The following WDR17 variants were observed in gnomAD, a reference collection of about 807,000 sequenced individuals.
WDR17 encodes the protein WD repeat-containing protein 17.
In WDR17, 143 loss-of-function variants were observed where a neutral mutation model predicts 161.7. The ratio of observed to expected loss-of-function variants is 0.88; its 90% CI spans 0.77 to 1.02. WDR17 has a LOEUF of 1.02. WDR17 is among the 50% of genes least tolerant of loss of function. The pLI is 0.00. For synonymous variants in WDR17, 517 were observed against 515.6 expected, an observed-to-expected ratio of 1.00 and a Z score of -0.04; for missense variants, 1,469 against 1,520.9, an observed-to-expected ratio of 0.97 and a Z score of 0.57.
chr4:176,159,430 C>G (rs1239885946), intron 18 of WDR17, among the ~76,000 whole-genome samples: 2 of 152,084 alleles, frequency 1.3e-5, no homozygotes, highest in East Asian at 1.9e-4. Context: ...TTACCATCCC[C>G]TTTCTCCCTT....
At chr4:176,153,766 T>A (rs1166608683) in intron 17 of WDR17, among the ~76,000 whole-genome samples, 5 of 152,212 alleles carry the variant, frequency 3.3e-5, no homozygotes, top group Admixed American at 6.5e-5. Flanking sequence ...TAGCTCACCT[T>A]TTTACTTTCC....
At chr4:176,141,630 A>T (rs145388613) in intron 10 of WDR17, among the ~76,000 whole-genome samples, 1,748 of 152,024 alleles carry the variant, frequency 0.011, 19 homozygotes, top group Non-Finnish European at 0.018. Flanking sequence ...ATGGGGTTTC[A>T]CCATGTTGGC....
intron 10 of WDR17, among the ~76,000 whole-genome samples, chr4:176,141,490 T>C (rs1745247638): frequency 6.6e-6 from 1 of 152,168 alleles, no homozygotes; most frequent in Non-Finnish European, 1.5e-5. Flanking sequence ...AGTGCAGTGG[T>C]GCAATCCCAG....
chr4:176,145,878 T>C (rs1398912528), intron 11 of WDR17, 117 bp from the exon 12 acceptor site: 1 of 899,080 alleles, frequency 1.1e-6, no homozygotes, highest in African/African-American at 1.7e-5. Context: ...GTTTTTAGTC[T>C]AACTTCACTA....
chr4:176,067,169 G>A (rs1037273200), intron 1 of WDR17, among the ~76,000 whole-genome samples: 2 of 152,120 alleles, frequency 1.3e-5, no homozygotes. Context: ...CAAGAAAATG[G>A]ATATAGTTAT....
rs1476472534 is a variant in WDR17, at chr4:176,172,498, G to A, written c.3226G>A (p.Gly1076Ser). Residue 1076 changes from glycine (G) to serine (S), a missense_variant, in exon 24 of 29, where the codon GGT (glycine) becomes AGT (serine). By Grantham distance (56) the Gly-to-Ser change is moderately conservative. Coordinates refer to ENST00000508596, the MANE Select transcript of WDR17 (RefSeq NM_181265.4). ...AGAACCTGAAAAAGCCCTTCCTATT[G>A]GTATTAGCTTTGTTAAAGGTAAGTA... ...SQEPEKALPI[G>S]ISFVKEYISS... 1 of 1,593,098 alleles carries A rather than the reference G, an allele frequency of 6.3e-7. No homozygotes were observed. Among genetic ancestry groups the A allele is most frequent in the East Asian group, 2.2e-5 (1 of 44,582 alleles).
At chr4:176,123,222 A>G (rs1741883349) in intron 4 of WDR17, among the ~76,000 whole-genome samples, 1 of 152,174 alleles carries the variant, frequency 6.6e-6, no homozygotes, top group Non-Finnish European at 1.5e-5. Flanking sequence ...CTCTCTATAT[A>G]ACTGTTACTT....
In WDR17 at chr4:176,070,311, C is replaced by A. The variant is rs6847592; in HGVS notation, c.-7+4232C>A. Among the ~76,000 whole-genome samples the A allele has an allele frequency of 6.6e-5, 10 of 152,058 alleles. No homozygotes were observed. In the South Asian group the frequency reaches 2.1e-3, roughly 32 times the overall value. On this transcript the variant is annotated intron_variant, in intron 1 of 28. Transcript: ENST00000508596. ...GGGGGAATTTTATGTTGGCTCAGAG[C>A]GTAATATTTGACTTAGGCAGACTAA...
intron 1 of WDR17, among the ~76,000 whole-genome samples, chr4:176,101,588 A>G (rs1362439764): frequency 1.3e-5 from 2 of 152,200 alleles, no homozygotes; most frequent in South Asian, 2.1e-4. Context: ...TTGAAGGAGA[A>G]CAAAGTGGGA....
chr4:176,173,661 C>T (rs1449105220), intron 25 of WDR17, among the ~76,000 whole-genome samples: 4 of 151,960 alleles, frequency 2.6e-5, no homozygotes, highest in South Asian at 2.1e-4. Flanking sequence ...GTACTACAGG[C>T]GCCCGCCACC....
intron 1 of WDR17, among the ~76,000 whole-genome samples, chr4:176,083,786 G>A (rs769707751): frequency 1.1e-4 from 17 of 152,166 alleles, no homozygotes; most frequent in Admixed American, 3.3e-4. Flanking sequence ...CCCAGTTTAC[G>A]TTCCCCTGAG....
At chr4:176,172,666 A>G (rs1215307003) in intron 24 of WDR17, 150 bp downstream of exon 24, 2 of 762,788 alleles carry the variant, frequency 2.6e-6, no homozygotes, top group Non-Finnish European at 4.1e-6. Flanking sequence ...TTATTGGCTC[A>G]TGGTTCTGCA....
chr4:176,092,896 G>A (rs1736311096), intron 1 of WDR17, among the ~76,000 whole-genome samples: 1 of 152,050 alleles, frequency 6.6e-6, no homozygotes, highest in Non-Finnish European at 1.5e-5. Context: ...ACAAAAATTA[G>A]CCGGGTGTGG....
intron 17 of WDR17, among the ~76,000 whole-genome samples, chr4:176,155,266 G>A (rs1273545275): frequency 6.6e-6 from 1 of 150,884 alleles, no homozygotes; most frequent in African/African-American, 2.4e-5. Flanking sequence ...TTTCTCTCAG[G>A]TTTAGGACTG....
rs947567208 is a variant in WDR17, at chr4:176,095,761, C to T, written c.-6-15814C>T. Among the ~76,000 whole-genome samples, 6 of 152,126 alleles carry T rather than the reference C, an allele frequency of 3.9e-5. No homozygotes were observed. The South Asian group carries it at 6.2e-4, about 16-fold the overall frequency. The stretch of plus-strand genomic sequence containing the variant: ...ATTTTGTCTCTGTTGAAGAAAAGAT[C>T]GCTTAGAACCTGTTGTATGTTGAGT... On this transcript the variant is annotated intron_variant, in intron 1 of 28. Transcript: ENST00000508596.
intron 4 of WDR17, among the ~76,000 whole-genome samples, chr4:176,120,954 G>A (rs529675885): frequency 6.6e-6 from 1 of 152,190 alleles, no homozygotes; most frequent in Non-Finnish European, 1.5e-5. Flanking sequence ...AAAGGATTGT[G>A]TAAAACATTG....
chr4:176,100,163 G>A (rs1331924526), intron 1 of WDR17, among the ~76,000 whole-genome samples: 1 of 152,028 alleles, frequency 6.6e-6, no homozygotes, highest in Non-Finnish European at 1.5e-5. Flanking sequence ...TCTCCATACT[G>A]TTTTCCATAA....
chr4:176,088,151 T>C (rs1040214693), intron 1 of WDR17, among the ~76,000 whole-genome samples: 25 of 152,016 alleles, frequency 1.6e-4, no homozygotes, highest in Non-Finnish European at 3.2e-4. Flanking sequence ...GCCTTTATTT[T>C]TATATATTTT....
chr4:176,115,666 T>A (rs1302014469), intron 2 of WDR17, 130 bp from the exon 3 acceptor site: 2 of 597,802 alleles, frequency 3.3e-6, no homozygotes, highest in Non-Finnish European at 5.1e-6. Flanking sequence ...GCTTGAAATA[T>A]GTTCATATCT....
Sources: gnomAD v4.1 joint callset for allele counts (sites outside exome capture counted in the v4.1 genomes callset) on GRCh38, gnomAD v4.1.1 for gene constraint, MANE v1.5 for transcripts, NCBI Gene and HGNC (gene_info 2026-07-23, HGNC 2026-07-21) for gene names.